The following GCSAML variants were observed in gnomAD, a reference collection of about 807,000 sequenced individuals.
GCSAML encodes the protein germinal center-associated signaling and motility-like protein.
In GCSAML, 9 loss-of-function variants were observed where a neutral mutation model predicts 13.0. The observed-to-expected ratio is 0.69, with a 90% CI of 0.42 to 1.21. The LOEUF (loss-of-function observed/expected upper bound fraction) is 1.21. Among genes scored for constraint, GCSAML ranks in the 50% most tolerant of loss-of-function variants. The pLI is 0.00. For synonymous variants in GCSAML, 37 were observed against 52.9 expected (o/e 0.70, Z 1.31); for missense variants, 143 against 153.4 (o/e 0.93, Z 0.36).
At chr1:247,547,978 G>A (rs1328935962), upstream of GCSAML, among the ~76,000 whole-genome samples, 3 of 152,022 alleles carry the variant, frequency 2.0e-5, no homozygotes, top group African/African-American at 7.2e-5. Context: ...GTTTATAATC[G>A]ATAAATAAAC....
At chr1:247,550,027 T>C (rs1300801718) in intron 1 of GCSAML, among the ~76,000 whole-genome samples, 1 of 152,178 alleles carries the variant, frequency 6.6e-6, no homozygotes, top group Admixed American at 6.5e-5. Context: ...TGTAGAAATA[T>C]GACTGGACAA....
chr1:247,508,947 C>A (rs1352915582), intron 1 of GCSAML, among the ~76,000 whole-genome samples: 2 of 152,198 alleles, frequency 1.3e-5, no homozygotes, highest in East Asian at 1.9e-4. Context: ...ATACCTCCAG[C>A]TTTGTTCTTT....
intron 2 of GCSAML, among the ~76,000 whole-genome samples, chr1:247,534,153 A>G (rs1667122683): frequency 6.6e-6 from 1 of 152,150 alleles, no homozygotes; most frequent in Non-Finnish European, 1.5e-5. Flanking sequence ...ATATAAGGTG[A>G]TAATCTTATA....
At chr1:247,543,128 G>T (rs747466307) in intron 2 of GCSAML, among the ~76,000 whole-genome samples, 2 of 152,212 alleles carry the variant, frequency 1.3e-5, no homozygotes, top group Middle Eastern at 3.2e-3. Flanking sequence ...CAAGGCTAAA[G>T]AAATGCCCAT....
intron 1 of GCSAML, among the ~76,000 whole-genome samples, chr1:247,520,166 C>T (rs1666363005): frequency 6.6e-6 from 1 of 152,088 alleles, no homozygotes; most frequent in African/African-American, 2.4e-5. Context: ...TACTTAGTTC[C>T]TGTAATGGCT....
chr1:247,531,094 G>C (rs999510543), intron 2 of GCSAML: 3 of 162,736 alleles, frequency 1.8e-5, no homozygotes, highest in South Asian at 3.4e-4. Flanking sequence ...GGGTTCCGGA[G>C]CCTGCAAGGC....
chr1:247,553,331 C>G (rs1667844036), intron 1 of GCSAML, among the ~76,000 whole-genome samples: 1 of 151,948 alleles, frequency 6.6e-6, no homozygotes, highest in South Asian at 2.1e-4. Flanking sequence ...TTTAATCCTA[C>G]TGGGTTTACA....
intron 2 of GCSAML, among the ~76,000 whole-genome samples, chr1:247,541,397 A>G (rs542141990): frequency 1.3e-5 from 2 of 152,292 alleles, no homozygotes; most frequent in Non-Finnish European, 2.9e-5. Context: ...TTGAGAACTA[A>G]TTCAGCTATT....
At chr1:247,555,504 T>A (rs752192337) in intron 1 of GCSAML, among the ~76,000 whole-genome samples, 3 of 152,268 alleles carry the variant, frequency 2.0e-5, no homozygotes, top group Non-Finnish European at 2.9e-5. Flanking sequence ...CTTTGCTTAG[T>A]GGCTTTGTGT....
chr1:247,533,850 G>C (rs1372391643), intron 2 of GCSAML: 1 of 152,152 alleles, frequency 6.6e-6, no homozygotes, highest in Non-Finnish European at 1.5e-5. Flanking sequence ...TGAAATTTCA[G>C]AGGACAAAGG....
intron 1 of GCSAML, among the ~76,000 whole-genome samples, chr1:247,513,983 C>T (rs1012344760): frequency 6.6e-6 from 1 of 151,914 alleles, no homozygotes; most frequent in Non-Finnish European, 1.5e-5. Flanking sequence ...ACAACCCCCC[C>T]ACCGCCTTTT....
upstream of GCSAML, among the ~76,000 whole-genome samples, chr1:247,546,494 G>A (rs1193554602): frequency 6.6e-6 from 1 of 151,998 alleles, no homozygotes; most frequent in Non-Finnish European, 1.5e-5. Context: ...GAGTAGCTGG[G>A]ACTACAGGTG....
chr1:247,572,353 C>A (rs1013655278), intron 4 of GCSAML, among the ~76,000 whole-genome samples: 1 of 152,080 alleles, frequency 6.6e-6, no homozygotes, highest in African/African-American at 2.4e-5. Context: ...TACCTTTGGT[C>A]TTTGCTCTTG....
upstream of GCSAML, among the ~76,000 whole-genome samples, chr1:247,544,403 C>A (rs112463761): frequency 0.017 from 2,545 of 152,260 alleles, 46 homozygotes; most frequent in Middle Eastern, 0.024. Flanking sequence ...GGCAGCTGCA[C>A]GTAGGGAAAC....
intron 4 of GCSAML, among the ~76,000 whole-genome samples, chr1:247,569,892 A>G (rs535125887): frequency 1.3e-5 from 2 of 152,234 alleles, no homozygotes; most frequent in Non-Finnish European, 2.9e-5. Flanking sequence ...AGAACTTGTT[A>G]TTGGTCCATT....
intron 1 of GCSAML, among the ~76,000 whole-genome samples, chr1:247,551,293 C>A (rs916597105): frequency 2.0e-5 from 3 of 152,110 alleles, no homozygotes; most frequent in Non-Finnish European, 2.9e-5. Context: ...AAAAGATGGT[C>A]CAAGCTGAAG....
intron 1 of GCSAML, among the ~76,000 whole-genome samples, chr1:247,507,792 T>G (rs1558229706): frequency 6.6e-6 from 1 of 152,182 alleles, no homozygotes; most frequent in Non-Finnish European, 1.5e-5. Flanking sequence ...TGTGTTAGTT[T>G]GCTGATAATG....
intron 2 of GCSAML, among the ~76,000 whole-genome samples, chr1:247,541,458 A>G (rs888628601): frequency 6.6e-6 from 1 of 152,134 alleles, no homozygotes; most frequent in Non-Finnish European, 1.5e-5. Flanking sequence ...TATATGGAGT[A>G]CTCAGTCTCA....
intron 4 of GCSAML, among the ~76,000 whole-genome samples, chr1:247,566,254 A>ATTTC (rs1328047830): frequency 5.3e-5 from 8 of 151,934 alleles, no homozygotes; most frequent in Non-Finnish European, 1.2e-4. Context: ...TTATTTATTT[A>ATTTC]TTTTTTGAGA....
Sources: allele counts gnomAD v4.1 joint callset (sites outside exome capture counted in the v4.1 genomes callset), GRCh38; gene constraint gnomAD v4.1.1; transcripts MANE v1.5; gene names NCBI Gene and HGNC (gene_info 2026-07-23, HGNC 2026-07-21).